The following TSNARE1 variants were observed in gnomAD, a reference collection of about 807,000 sequenced individuals.
The protein encoded by TSNARE1 is t-SNARE domain containing 1.
In TSNARE1, 49 loss-of-function variants were observed where a neutral mutation model predicts 62.0. That is an observed-to-expected ratio of 0.79 (90% CI 0.63 to 1.00). The LOEUF (loss-of-function observed/expected upper bound fraction) is 1.00. Among genes scored for constraint, TSNARE1 ranks in the 50% least tolerant of loss-of-function variants. The pLI, the probability that TSNARE1 is intolerant of heterozygous loss-of-function variation, is 0.00. For synonymous variants in TSNARE1, 328 were observed against 294.4 expected, an observed-to-expected ratio of 1.11 and a Z score of -1.17; for missense variants, 755 against 700.1, an observed-to-expected ratio of 1.08 and a Z score of -0.88.
intron 13 of TSNARE1, among the ~76,000 whole-genome samples, chr8:142,225,638 C>T (rs1816736580): frequency 6.6e-6 from 1 of 152,224 alleles, no homozygotes; most frequent in Non-Finnish European, 1.5e-5. Flanking sequence ...CAAGTGACTA[C>T]AGGCAAACCA....
intron 6 of TSNARE1, among the ~76,000 whole-genome samples, chr8:142,325,130 G>A (rs75910590): frequency 0.013 from 2,017 of 152,348 alleles, 42 homozygotes; most frequent in African/African-American, 0.046. Context: ...TGGCCAGGGC[G>A]AGTGGGCCGG....
intron 12 of TSNARE1, among the ~76,000 whole-genome samples, chr8:142,261,022 AG>A (rs1490531371): frequency 9.6e-5 from 1 of 10,450 alleles, no homozygotes; most frequent in African/African-American, 5.9e-4. Context: ...GAGAGGAGAC[AG>A]GGAGGAGAGA....
At chr8:142,292,114 A>C (rs1823878362) in intron 10 of TSNARE1, among the ~76,000 whole-genome samples, 1 of 152,006 alleles carries the variant, frequency 6.6e-6, no homozygotes, top group Non-Finnish European at 1.5e-5. Flanking sequence ...GCCATGGGAG[A>C]GGCCAAGCGT....
rs899702945 is a variant in TSNARE1 at position 142,300,299 on chromosome 8, G to A, written c.1290+187C>T. On this transcript the variant is annotated intron_variant, in intron 10 of 13. Transcript: ENST00000524325. ...ATGGGGATGGGGCTCCCAGACTCCC[G>A]TCTCTCCCTTATTGGACCAGATGGC... 6 of 609,674 alleles carry A rather than the reference G, an allele frequency of 9.8e-6. No homozygotes were observed. The East Asian group carries it at 1.5e-4, about 15-fold the overall frequency. 37.8% of individuals were successfully genotyped at this position (609,674 alleles called of 1,614,324 possible).
Position 142,331,745 on chromosome 8 carries a change from C to T in TSNARE1, c.823+9G>A, listed in dbSNP as rs746075774. 2.9e-5 allele frequency: 46 copies of T among 1,589,660 alleles called. No homozygotes were observed. The highest frequency in any genetic ancestry group is 3.9e-5 in the Non-Finnish European group (45 of 1,168,278). ...TGGAGGGGCAGGCCCAGGCCAGACG[C>T]ACACTCACCACTGGAGTTGATTCGG... On this transcript the variant is annotated intron_variant, in intron 5 of 13. Transcript: ENST00000524325.
chr8:142,272,961 C>T, intron 12 of TSNARE1: 1 of 985,488 alleles, frequency 1.0e-6, no homozygotes. Flanking sequence ...CTCATCCCTC[C>T]CTGATACTCC....
In TSNARE1 at chr8:142,274,907, G is replaced by A. The variant is rs558368501; in HGVS notation, c.1364-44C>T. On this transcript the variant is annotated intron_variant, in intron 11 of 13. Transcript: ENST00000524325. ...GAAGGCAATTACAGATGGAGGCCCA[G>A]CCGCCCCCGCCCTGAGGACACCCCC... 28 of 1,466,384 alleles carry A rather than the reference G, an allele frequency of 1.9e-5. No individual in the cohort carries two copies. The South Asian group carries it at 2.9e-4, about 15-fold the overall frequency. The allele number at this position is 1,466,384 out of a possible 1,614,324, so 90.8% of individuals were successfully genotyped here.
At chr8:142,341,418 T>C (rs1233871457) in intron 4 of TSNARE1, among the ~76,000 whole-genome samples, 1 of 152,152 alleles carries the variant, frequency 6.6e-6, no homozygotes, top group Non-Finnish European at 1.5e-5. Flanking sequence ...CAGGCAGTGG[T>C]GGAGAGGCCC....
In TSNARE1 at chr8:142,344,270, C is replaced by T; in HGVS notation, c.441G>A (p.Leu147=). ...CGGCCTTCAGCAGCCCCGTGCCAAA[C>T]AGCAGCTGGTGGTGCTTGCTCACCT... ...VSKVSKHHQL[L]FGTGLLKAEP... The change falls in exon 4 of 14, where the codon CTG becomes CTA. Residue 147 remains leucine (L), a synonymous_variant. Transcript: ENST00000524325. 1 of 1,606,880 alleles carries T rather than the reference C, an allele frequency of 6.2e-7. No individual in the cohort carries two copies. Among genetic ancestry groups the T allele is most frequent in the Non-Finnish European group, 8.5e-7 (1 of 1,174,848 alleles).
intron 1 of TSNARE1, among the ~76,000 whole-genome samples, chr8:142,374,469 G>A (rs1836166813): frequency 6.6e-6 from 1 of 151,626 alleles, no homozygotes; most frequent in Admixed American, 6.6e-5. Context: ...ACGAGGTCAG[G>A]AGATTGACAC....
chr8:142,281,101 G>A (rs532463920), intron 11 of TSNARE1, among the ~76,000 whole-genome samples: 1 of 152,316 alleles, frequency 6.6e-6, no homozygotes, highest in South Asian at 2.1e-4. Context: ...GGGACCAGGA[G>A]GCTGTTCTCG....
intron 6 of TSNARE1, among the ~76,000 whole-genome samples, chr8:142,322,734 G>A (rs182933953): frequency 4.7e-4 from 72 of 152,078 alleles, no homozygotes; most frequent in African/African-American, 1.5e-3. Flanking sequence ...GCTGGGCGAC[G>A]ATGTTGTTAT....
chr8:142,298,715 C>T (rs1337633573), intron 10 of TSNARE1, among the ~76,000 whole-genome samples: 1 of 152,206 alleles, frequency 6.6e-6, no homozygotes, highest in African/African-American at 2.4e-5. Flanking sequence ...CCTCTCTCCT[C>T]ACGACACTCT....
chr8:142,250,932 C>T (rs939491857), intron 12 of TSNARE1, among the ~76,000 whole-genome samples: 2 of 152,182 alleles, frequency 1.3e-5, no homozygotes, highest in African/African-American at 4.8e-5. Context: ...TGTCCAGGCC[C>T]GAGGCCTGAC....
intron 9 of TSNARE1, among the ~76,000 whole-genome samples, chr8:142,308,350 G>A (rs1344421561): frequency 6.6e-6 from 1 of 152,190 alleles, no homozygotes; most frequent in Non-Finnish European, 1.5e-5. Flanking sequence ...TCGCACGTGG[G>A]TCTGTAGTCC....
At chr8:142,336,925 G>C (rs1030113457) in intron 4 of TSNARE1, among the ~76,000 whole-genome samples, 1 of 151,900 alleles carries the variant, frequency 6.6e-6, no homozygotes, top group Admixed American at 6.6e-5. Context: ...TGTAACAGAA[G>C]AAATCAAAGA....
intron 1 of TSNARE1, among the ~76,000 whole-genome samples, chr8:142,378,940 C>A (rs1454986130): frequency 6.6e-6 from 1 of 152,154 alleles, no homozygotes; most frequent in Non-Finnish European, 1.5e-5. Flanking sequence ...CAGGGCTGGC[C>A]CAGGCAGACA....
At chr8:142,271,570 T>C in intron 12 of TSNARE1, 3 of 1,404,894 alleles carry the variant, frequency 2.1e-6, no homozygotes, top group Non-Finnish European at 2.8e-6. Context: ...GTGGGGAGGG[T>C]GAGGAGGTGG....
intron 12 of TSNARE1, among the ~76,000 whole-genome samples, chr8:142,256,641 G>T (rs1160208971): frequency 6.7e-6 from 1 of 149,290 alleles, no homozygotes; most frequent in Non-Finnish European, 1.5e-5. Flanking sequence ...ACAATCAGCA[G>T]AAGTAACTGT....
Sources: allele counts gnomAD v4.1 joint callset (sites outside exome capture counted in the v4.1 genomes callset), GRCh38; gene constraint gnomAD v4.1.1; transcripts MANE v1.5; gene names NCBI Gene and HGNC (gene_info 2026-07-23, HGNC 2026-07-21).